The following CALN1 variants were observed in gnomAD, a reference collection of about 807,000 sequenced individuals.
CALN1 encodes calcium-binding protein 8.
In CALN1, 17 loss-of-function variants were observed where a neutral mutation model predicts 30.6. The ratio of observed to expected loss-of-function variants is 0.56; its 90% confidence interval spans 0.38 to 0.83. The LOEUF is 0.83. Among genes scored for constraint, CALN1 ranks in the 40% least tolerant of loss-of-function variants. The pLI is 0.00. For synonymous variants in CALN1, 156 were observed against 131.4 expected, an observed-to-expected ratio of 1.19 and a Z score of -1.28; for missense variants, 291 against 354.9, an observed-to-expected ratio of 0.82 and a Z score of 1.45.
chr7:72,194,915 A>G (rs949779979), intron 3 of CALN1, among the ~76,000 whole-genome samples: 1 of 151,718 alleles, frequency 6.6e-6, no homozygotes, highest in African/African-American at 2.4e-5. Flanking sequence ...TGTCCTCCAC[A>G]ATTCTCCCTC....
At chr7:72,064,434 C>T (rs1030081472) in intron 4 of CALN1, among the ~76,000 whole-genome samples, 1 of 152,168 alleles carries the variant, frequency 6.6e-6, no homozygotes, top group African/African-American at 2.4e-5. Context: ...AAACTAATCA[C>T]TTTTGGCAGG....
intron 2 of CALN1, among the ~76,000 whole-genome samples, chr7:72,399,005 G>A (rs1047414030): frequency 1.2e-4 from 18 of 152,132 alleles, no homozygotes; most frequent in Non-Finnish European, 2.1e-4. Flanking sequence ...TAGAAAAAAG[G>A]TCAGGGCTTC....
chr7:72,144,416 A>G (rs1294243182), intron 3 of CALN1, among the ~76,000 whole-genome samples: 4 of 152,244 alleles, frequency 2.6e-5, no homozygotes, highest in Non-Finnish European at 5.9e-5. Context: ...TTCAACAAGA[A>G]GAGCTAACTA....
chr7:71,945,390 C>G (rs1390977100), intron 5 of CALN1, among the ~76,000 whole-genome samples: 1 of 152,196 alleles, frequency 6.6e-6, no homozygotes, highest in Non-Finnish European at 1.5e-5. Flanking sequence ...AGTACCAACA[C>G]AAGGCACAAC....
At chr7:71,941,488 A>G (rs1276697417) in intron 5 of CALN1, among the ~76,000 whole-genome samples, 2 of 152,258 alleles carry the variant, frequency 1.3e-5, no homozygotes, top group African/African-American at 4.8e-5. Flanking sequence ...CCCAGTATCA[A>G]AAATGAACAA....
At chr7:72,367,244 T>C (rs1411510695) in intron 2 of CALN1, among the ~76,000 whole-genome samples, 2 of 152,098 alleles carry the variant, frequency 1.3e-5, no homozygotes, top group East Asian at 3.8e-4. Flanking sequence ...CCAAACACTT[T>C]GGGAGGCTGA....
intron 2 of CALN1, among the ~76,000 whole-genome samples, chr7:72,280,897 C>T (rs563939270): frequency 3.3e-5 from 5 of 152,134 alleles, no homozygotes; most frequent in Non-Finnish European, 7.4e-5. Flanking sequence ...AATCCCAGCA[C>T]TTTGGGAGAC....
intron 3 of CALN1, among the ~76,000 whole-genome samples, chr7:72,264,447 G>A (rs146038587): frequency 7.9e-5 from 12 of 151,938 alleles, no homozygotes; most frequent in Non-Finnish European, 1.0e-4. Flanking sequence ...AGATCTGTCT[G>A]TAGATCCTAA....
chr7:72,057,177 C>T (rs2129536665), intron 4 of CALN1, among the ~76,000 whole-genome samples: 1 of 152,138 alleles, frequency 6.6e-6, no homozygotes, highest in South Asian at 2.1e-4. Context: ...GAACGCCCGG[C>T]CTGAAGTAAT....
intron 2 of CALN1, among the ~76,000 whole-genome samples, chr7:72,319,045 G>A (rs1306042757): frequency 6.6e-6 from 1 of 151,968 alleles, no homozygotes; most frequent in Non-Finnish European, 1.5e-5. Context: ...TCTACCCAAA[G>A]GAAAAGAAAT....
At chr7:72,102,928 C>T (rs1368786138) in intron 4 of CALN1, among the ~76,000 whole-genome samples, 1 of 152,026 alleles carries the variant, frequency 6.6e-6, no homozygotes, top group African/African-American at 2.4e-5. Context: ...TGAAAATTAG[C>T]TGGGCATGGT....
At chr7:72,434,653 G>A (rs1180186795) in intron 1 of CALN1, among the ~76,000 whole-genome samples, 4 of 152,208 alleles carry the variant, frequency 2.6e-5, no homozygotes, top group Non-Finnish European at 5.9e-5. Flanking sequence ...CTTTCCAGGG[G>A]GAGAGGCAGC....
chr7:72,099,765 G>T (rs909946357), intron 4 of CALN1, among the ~76,000 whole-genome samples: 1 of 151,762 alleles, frequency 6.6e-6, no homozygotes, highest in Admixed American at 6.6e-5. Context: ...CAAGGAAGCT[G>T]AGCTTCAAAA....
At chr7:72,378,175 T>C (rs1191408763) in intron 2 of CALN1, among the ~76,000 whole-genome samples, 1 of 152,140 alleles carries the variant, frequency 6.6e-6, no homozygotes, top group African/African-American at 2.4e-5. Flanking sequence ...AGTCAAGCCT[T>C]TTGAGCTATT....
intron 3 of CALN1, among the ~76,000 whole-genome samples, chr7:72,111,937 G>A (rs1358538322): frequency 6.6e-6 from 1 of 151,866 alleles, no homozygotes; most frequent in African/African-American, 2.4e-5. Flanking sequence ...TTTTAGTAGA[G>A]ACGGTGTTTC....
intron 5 of CALN1, among the ~76,000 whole-genome samples, chr7:71,914,086 T>G (rs1259571450): frequency 1.3e-5 from 2 of 152,158 alleles, no homozygotes; most frequent in Admixed American, 1.3e-4. Flanking sequence ...GGGGTAAAAG[T>G]GCAGGTTTGT....
chr7:72,256,755 C>T (rs1265816366), intron 3 of CALN1, among the ~76,000 whole-genome samples: 1 of 152,102 alleles, frequency 6.6e-6, no homozygotes, highest in African/African-American at 2.4e-5. Context: ...TACAGGCATG[C>T]ATGACCATGC....
At chr7:71,873,038 C>CG (rs2116750142) in intron 5 of CALN1, among the ~76,000 whole-genome samples, 1 of 140,006 alleles carries the variant, frequency 7.1e-6, no homozygotes, top group South Asian at 2.2e-4. Context: ...GAGTCTCACC[C>CG]TGTCACCCAG....
At chr7:72,233,869 T>C (rs1237945765) in intron 3 of CALN1, among the ~76,000 whole-genome samples, 1 of 151,986 alleles carries the variant, frequency 6.6e-6, no homozygotes, top group East Asian at 1.9e-4. Context: ...CCAGGCACAG[T>C]GGTGCACACC....
Sources: gnomAD v4.1 joint callset for allele counts (sites outside exome capture counted in the v4.1 genomes callset) on GRCh38, gnomAD v4.1.1 for gene constraint, MANE v1.5 for transcripts, NCBI Gene and HGNC (gene_info 2026-07-23, HGNC 2026-07-21) for gene names.